Variants in PELI1 observed in about 807,000 individuals in gnomAD.
PELI1 encodes the protein E3 ubiquitin-protein ligase pellino homolog 1.
PELI1 carries 15 observed loss-of-function variants against 41.3 expected under a neutral mutation model. The observed-to-expected ratio is 0.36, with a 90% CI of 0.24 to 0.56. The LOEUF (loss-of-function observed/expected upper bound fraction) is 0.56, where lower values mean the gene tolerates loss of function less well. Ranked by LOEUF, PELI1 falls within the 20% of genes least tolerant of loss-of-function variation. PELI1 has a pLI of 0.82. For missense variants in PELI1, 403 were observed against 525.5 expected (o/e 0.77, Z 2.28); for synonymous variants, 178 against 180.1 (o/e 0.99, Z 0.09).
chr2:64,116,735 G>A (rs371182170), intron 1 of PELI1, among the ~76,000 whole-genome samples: 13 of 152,286 alleles, frequency 8.5e-5, no homozygotes, highest in East Asian at 1.9e-4. Context: ...GGCACATCTG[G>A]TTTTATTGCA....
intron 1 of PELI1, among the ~76,000 whole-genome samples, chr2:64,129,357 T>C (rs555559901): frequency 1.3e-5 from 2 of 152,260 alleles, no homozygotes; most frequent in South Asian, 2.1e-4. Flanking sequence ...ATCTTTTGTA[T>C]AGAAACATAA....
rs568424036 is a variant in PELI1 at position 64,122,612 on chromosome 2, C to A, written c.-69-14233G>T. On this transcript the variant is annotated intron_variant, in intron 1 of 6. Coordinates refer to ENST00000358912, the MANE Select transcript of PELI1 (RefSeq NM_020651.4). ...CAGCAGGTGCATAAATTATTTCTTC[C>A]TTTAGTTCCACTCCACTGGTGACTC... 1.3e-3 allele frequency among the ~76,000 whole-genome samples: 195 copies of A among 152,218 alleles called. 5 individuals are homozygous for A. The South Asian group carries it at 0.039, about 30-fold the overall frequency.
intron 3 of PELI1, among the ~76,000 whole-genome samples, chr2:64,104,166 T>C (rs760916249): frequency 1.3e-5 from 2 of 152,218 alleles, no homozygotes; most frequent in Non-Finnish European, 2.9e-5. Flanking sequence ...TTAATAATTA[T>C]TGAGGTCTAC....
At chr2:64,097,706 G>A (rs1680291783) in intron 4 of PELI1, among the ~76,000 whole-genome samples, 1 of 152,140 alleles carries the variant, frequency 6.6e-6, no homozygotes, top group African/African-American at 2.4e-5. Flanking sequence ...AAAAAATACT[G>A]ACCCTCTACA....
intron 1 of PELI1, among the ~76,000 whole-genome samples, chr2:64,109,049 T>C (rs998268099): frequency 4.2e-4 from 64 of 152,182 alleles, no homozygotes; most frequent in African/African-American, 1.5e-3. Context: ...ATTAGGGCAA[T>C]GTAAAAGTAG....
At chr2:64,107,865 A>G (rs1184627156) in intron 2 of PELI1, among the ~76,000 whole-genome samples, 4 of 152,018 alleles carry the variant, frequency 2.6e-5, no homozygotes, top group African/African-American at 9.7e-5. Context: ...TTTAGTAGAG[A>G]TGGGGTTTCA....
chr2:64,116,246 C>A (rs540671860), intron 1 of PELI1, among the ~76,000 whole-genome samples: 2 of 152,280 alleles, frequency 1.3e-5, no homozygotes, highest in South Asian at 4.1e-4. Context: ...TTTAAACACA[C>A]AACTAAGAAC....
Position 64,094,539 on chromosome 2 carries a change from T to C in PELI1, c.*163A>G, listed in dbSNP as rs572522491. 1 of 511,660 alleles carries C rather than the reference T, an allele frequency of 2.0e-6. No individual in the cohort carries two copies. Among genetic ancestry groups the C allele is most frequent in the East Asian group, 3.0e-5 (1 of 33,120 alleles). The allele number at this position is 511,660 out of a possible 1,614,324, so 31.7% of individuals were successfully genotyped here. A position where few individuals can be genotyped will look rare whatever the true frequency, so the allele number is the denominator to read the frequency against. On this transcript the variant is annotated 3_prime_UTR_variant, in exon 7 of 7. Coordinates refer to ENST00000358912, the MANE Select transcript of PELI1 (RefSeq NM_020651.4). Reference sequence around the variant, plus strand: ...AATTCCTTTGCTTGAGTTTCCCAGATTTTTGCTCAGAAATTGCTACTATTT... The same window carrying C: ...AATTCCTTTGCTTGAGTTTCCCAGACTTTTGCTCAGAAATTGCTACTATTT...
rs1172228383 is a variant in PELI1, at chr2:64,111,751, A to G, written c.-69-3372T>C. Among the ~76,000 whole-genome samples, 4 of 152,356 alleles carry G rather than the reference A, an allele frequency of 2.6e-5. No individual in the cohort carries two copies. The East Asian group carries it at 7.7e-4, about 29-fold the overall frequency. On this transcript the variant is annotated intron_variant, in intron 1 of 6. Transcript: ENST00000358912. The stretch of plus-strand genomic sequence containing the variant: ...AGAATAATTTTGGTTCCATATAATA[A>G]GATCTTCTGATATACATGAAATCAT...
intron 1 of PELI1, among the ~76,000 whole-genome samples, chr2:64,118,903 C>T (rs113714085): frequency 2.0e-5 from 3 of 151,604 alleles, no homozygotes; most frequent in African/African-American, 2.4e-5. Context: ...ATTCTGGCTA[C>T]GAAACAACAA....
In PELI1 at chr2:64,128,621, A is replaced by T. The variant is rs561903905; in HGVS notation, c.-70+15460T>A. On this transcript the variant is annotated intron_variant, in intron 1 of 6. Transcript: ENST00000358912. ...CTAATGTGACATCCATAAGGTTTTT[A>T]AAAAATTCTTATTTTGCTTCTACTG... is the stretch of plus-strand genomic sequence containing the variant. Among the ~76,000 whole-genome samples, 8 of 152,284 alleles carry T rather than the reference A, an allele frequency of 5.3e-5. No homozygotes were observed. The South Asian group carries it at 6.2e-4, about 12-fold the overall frequency.
chr2:64,129,593 A>T (rs1205923379), intron 1 of PELI1, among the ~76,000 whole-genome samples: 3 of 152,120 alleles, frequency 2.0e-5, no homozygotes, highest in Admixed American at 1.3e-4. Context: ...AATTCATGAG[A>T]TATATTATTT....
In PELI1 at chr2:64,096,936, A is replaced by G. The variant is rs1680258748; in HGVS notation, c.304-326T>C. On this transcript the variant is annotated intron_variant, in intron 4 of 6. Coordinates refer to ENST00000358912, the MANE Select transcript of PELI1 (RefSeq NM_020651.4). ...CCTTTTGGATGGAAATATGTGTATC[A>G]TGTAGTTTTTTTCTCTTTAGAGATA... Among the ~76,000 whole-genome samples the G allele has an allele frequency of 3.9e-5, 6 of 152,220 alleles. 1 individual carries two copies. The highest frequency in any genetic ancestry group is 3.9e-4 in the Admixed American group (6 of 15,286).
At chr2:64,097,186 T>C (rs1334820845) in intron 4 of PELI1, among the ~76,000 whole-genome samples, 1 of 152,244 alleles carries the variant, frequency 6.6e-6, no homozygotes, top group Admixed American at 6.5e-5. Flanking sequence ...ATTTTCTTGT[T>C]TCTTTTCTGT....
chr2:64,107,138 A>G (rs1680648417), intron 2 of PELI1, among the ~76,000 whole-genome samples: 4 of 152,254 alleles, frequency 2.6e-5, no homozygotes, highest in Admixed American at 6.5e-5. Flanking sequence ...CATGTTGGCC[A>G]GGCTGGTCTC....
chr2:64,095,036 T>C lies in PELI1; in HGVS notation c.923A>G (p.Tyr308Cys). The C allele has an allele frequency of 1.9e-6, 3 of 1,614,202 alleles. No individual in the cohort carries two copies. The highest frequency in any genetic ancestry group is 2.5e-6 in the Non-Finnish European group (3 of 1,179,998). The change falls in exon 7 of 7, where the codon TAT (tyrosine) becomes TGT (cysteine). Residue 308 changes from tyrosine to cysteine, a missense_variant. Tyr to Cys is a radical substitution (Grantham distance 194). Coordinates refer to ENST00000358912, the MANE Select transcript of PELI1 (RefSeq NM_020651.4). ...DVVDEKQPWV[Y>C]LNCGHVHGYH... ...GCCATGTACATGGCCGCAGTTTAGA[T>C]ATACCCATGGTTGTTTTTCATCTAC...
intron 1 of PELI1, among the ~76,000 whole-genome samples, chr2:64,125,963 C>T (rs537790879): frequency 3.9e-4 from 60 of 152,310 alleles, no homozygotes; most frequent in Non-Finnish European, 8.7e-4. Context: ...TGGGTCCCAT[C>T]CCGAAGATAT....
chr2:64,123,643 A>G (rs2103722731), intron 1 of PELI1, among the ~76,000 whole-genome samples: 1 of 152,356 alleles, frequency 6.6e-6, no homozygotes. Context: ...TCAGATAATG[A>G]CAAATATTGG....
At chr2:64,109,162 GA>G (rs1468291923) in intron 1 of PELI1, among the ~76,000 whole-genome samples, 2 of 152,120 alleles carry the variant, frequency 1.3e-5, no homozygotes, top group African/African-American at 4.8e-5. Context: ...GCAATAACAA[GA>G]AGGATCCTCT....
Sources: gnomAD v4.1 joint callset for allele counts (sites outside exome capture counted in the v4.1 genomes callset) on GRCh38, gnomAD v4.1.1 for gene constraint, MANE v1.5 for transcripts, NCBI Gene and HGNC (gene_info 2026-07-23, HGNC 2026-07-21) for gene names.